The following ADK variants were observed in gnomAD, a reference collection of about 807,000 sequenced individuals.
ADK encodes the protein adenosine kinase.
Under a neutral mutation model 44.7 loss-of-function variants are expected in ADK, and 24 were observed. The ratio of observed to expected loss-of-function variants is 0.54; its 90% CI spans 0.39 to 0.76. The LOEUF is 0.76. ADK is among the 30% of genes least tolerant of loss of function. ADK has a pLI of 0.00. For missense variants in ADK, 321 were observed against 425.1 expected (o/e 0.76, Z 2.15); for synonymous variants, 128 against 142.6 (o/e 0.90, Z 0.73).
intron 10 of ADK, among the ~76,000 whole-genome samples, chr10:74,706,872 TTATGTC>T (rs1255028257): frequency 6.6e-6 from 1 of 152,150 alleles, no homozygotes; most frequent in Non-Finnish European, 1.5e-5. Context: ...TTTGAACACT[TTATGTC>T]TATTTATTTA....
At chr10:74,624,584 TG>T (rs1853113927) in intron 9 of ADK, among the ~76,000 whole-genome samples, 1 of 152,118 alleles carries the variant, frequency 6.6e-6, no homozygotes, top group Non-Finnish European at 1.5e-5. Context: ...CAGGTGTTTT[TG>T]TAAGTAATTT....
chr10:74,640,748 A>T (rs1160972438), intron 9 of ADK, among the ~76,000 whole-genome samples: 1 of 152,240 alleles, frequency 6.6e-6, no homozygotes, highest in African/African-American at 2.4e-5. Context: ...GTATTCCAAT[A>T]AAACTCTATT....
chr10:74,620,724 G>T (rs1274349931), intron 9 of ADK, among the ~76,000 whole-genome samples: 1 of 151,506 alleles, frequency 6.6e-6, no homozygotes, highest in Non-Finnish European at 1.5e-5. Context: ...TCTTTTTAAT[G>T]ATAGCCATTC....
intron 3 of ADK, among the ~76,000 whole-genome samples, chr10:74,277,514 A>C (rs1846741946): frequency 2.0e-5 from 3 of 151,992 alleles, no homozygotes; most frequent in Admixed American, 6.6e-5. Context: ...CTCCTGCCTC[A>C]GCCTCCCAAG....
At chr10:74,652,747 G>A (rs978305241) in intron 9 of ADK, among the ~76,000 whole-genome samples, 1 of 151,192 alleles carries the variant, frequency 6.6e-6, no homozygotes, top group Non-Finnish European at 1.5e-5. Flanking sequence ...GCGATACGGC[G>A]AGACTTAGTA....
chr10:74,651,418 G>T (rs1303480514), intron 9 of ADK, among the ~76,000 whole-genome samples: 1 of 152,106 alleles, frequency 6.6e-6, no homozygotes. Context: ...CCTGTAGAAT[G>T]GGAAAATTGT....
chr10:74,700,600 A>G (rs2134301870), intron 10 of ADK, among the ~76,000 whole-genome samples: 1 of 151,984 alleles, frequency 6.6e-6, no homozygotes, highest in South Asian at 2.1e-4. Flanking sequence ...TATATAGTGT[A>G]TTACCTCCTT....
At chr10:74,525,187 C>T in intron 6 of ADK, 69 bp from the exon 7 acceptor site, 1 of 1,467,716 alleles carries the variant, frequency 6.8e-7, no homozygotes, top group Non-Finnish European at 9.5e-7. Context: ...GTATAGGTTT[C>T]TTTTATTCTC....
At position 74,473,221 on chromosome 10, in the gene ADK, T is replaced by G. The variant is rs182329688; in HGVS notation, c.556-52035T>G. Reference sequence around the variant, plus strand: ...ACACACACACACACACACACACATATAGAGAGAGAGCCACTGTGCCTGGCC... The same window carrying G: ...ACACACACACACACACACACACATAGAGAGAGAGAGCCACTGTGCCTGGCC... On this transcript the variant is annotated intron_variant, in intron 6 of 10. Coordinates refer to ENST00000539909, the MANE Select transcript of ADK (RefSeq NM_006721.4). 2.3e-3 allele frequency among the ~76,000 whole-genome samples: 344 copies of G among 151,236 alleles called. 2 individuals are homozygous for G. The highest frequency in any genetic ancestry group is 7.7e-3 in the African/African-American group (316 of 41,198).
intron 1 of ADK, among the ~76,000 whole-genome samples, chr10:74,200,535 C>A (rs868073184): frequency 1.7e-4 from 25 of 150,970 alleles, no homozygotes; most frequent in African/African-American, 6.1e-4. Flanking sequence ...GATGGTGTCT[C>A]ATTGTAGTTT....
chr10:74,564,339 CA>C (rs1467534491), intron 7 of ADK, among the ~76,000 whole-genome samples: 1 of 152,170 alleles, frequency 6.6e-6, no homozygotes, highest in Non-Finnish European at 1.5e-5. Context: ...TTTTAATTTT[CA>C]AAACCTGAAA....
At chr10:74,210,104 C>G (rs367925625) in intron 2 of ADK, among the ~76,000 whole-genome samples, 3 of 151,962 alleles carry the variant, frequency 2.0e-5, no homozygotes, top group Non-Finnish European at 4.4e-5. Flanking sequence ...CCGAGGTGAA[C>G]GGATCACCTG....
chr10:74,575,118 C>A (rs1363967457), intron 7 of ADK, among the ~76,000 whole-genome samples: 1 of 152,184 alleles, frequency 6.6e-6, no homozygotes, highest in Non-Finnish European at 1.5e-5. Flanking sequence ...AAGTCAGTGT[C>A]AATCTAATGC....
chr10:74,628,406 G>A (rs1853294186), intron 9 of ADK, among the ~76,000 whole-genome samples: 1 of 151,962 alleles, frequency 6.6e-6, no homozygotes, highest in African/African-American at 2.4e-5. Flanking sequence ...TAGATTAATG[G>A]TCCAGGAATG....
At chr10:74,309,784 A>G (rs1840374216) in intron 3 of ADK, among the ~76,000 whole-genome samples, 1 of 152,060 alleles carries the variant, frequency 6.6e-6, no homozygotes, top group Non-Finnish European at 1.5e-5. Flanking sequence ...TTAAAGACAA[A>G]ATAATTATAT....
intron 8 of ADK, among the ~76,000 whole-genome samples, chr10:74,598,329 TA>T (rs138458666): frequency 0.3 from 46,157 of 151,988 alleles, 8,992 homozygotes; most frequent in Non-Finnish European, 0.44. Flanking sequence ...ATTGCCATTT[TA>T]TGAGGTTTAA....
intron 3 of ADK, among the ~76,000 whole-genome samples, chr10:74,304,035 A>G (rs1490695088): frequency 6.6e-6 from 1 of 151,832 alleles, no homozygotes; most frequent in Non-Finnish European, 1.5e-5. Context: ...GTAATATTGT[A>G]TGTCTGTATA....
At chr10:74,546,714 A>G (rs980463859) in intron 7 of ADK, among the ~76,000 whole-genome samples, 3 of 152,142 alleles carry the variant, frequency 2.0e-5, no homozygotes, top group Non-Finnish European at 2.9e-5. Flanking sequence ...TTGGGAATGT[A>G]TTCAGTTGGA....
intron 6 of ADK, among the ~76,000 whole-genome samples, chr10:74,431,339 ATGTT>A (rs1844992258): frequency 6.6e-6 from 1 of 152,180 alleles, no homozygotes; most frequent in Admixed American, 6.5e-5. Context: ...ATCGGCCCAA[ATGTT>A]TGTGTCTGCT....
Sources: allele counts gnomAD v4.1 joint callset (sites outside exome capture counted in the v4.1 genomes callset), GRCh38; gene constraint gnomAD v4.1.1; transcripts MANE v1.5; gene names NCBI Gene and HGNC (gene_info 2026-07-23, HGNC 2026-07-21).